The following DCTN2 variants were observed in gnomAD, a reference collection of about 807,000 sequenced individuals.
DCTN2 encodes dynactin subunit 2, also known as 50 kDa dynein-associated polypeptide.
DCTN2 carries 18 observed loss-of-function variants against 55.4 expected under a neutral mutation model. The ratio of observed to expected loss-of-function variants is 0.32; its 90% CI spans 0.22 to 0.48. The LOEUF (loss-of-function observed/expected upper bound fraction) is 0.48, where lower values mean the gene tolerates loss of function less well. DCTN2 is among the 20% of genes least tolerant of loss of function. DCTN2 has a pLI of 0.99. For missense variants in DCTN2, 390 were observed against 491.0 expected, an observed-to-expected ratio of 0.79 and a Z score of 1.94; for synonymous variants, 168 against 185.2, an observed-to-expected ratio of 0.91 and a Z score of 0.76.
intron 13 of DCTN2, among the ~76,000 whole-genome samples, chr12:57,531,360 T>TA (rs553194738): frequency 1.7e-4 from 25 of 146,918 alleles, no homozygotes; most frequent in South Asian, 1.3e-3. Flanking sequence ...CCGTCTCTAC[T>TA]AAAAAAAAAA....
intron 2 of DCTN2, 91 bp downstream of exon 2, chr12:57,545,937 T>TG: frequency 1.4e-6 from 2 of 1,388,720 alleles, no homozygotes; most frequent in East Asian, 4.6e-5. Flanking sequence ...GCATACCCGC[T>TG]TATTGCTGTA....
rs1879552310 is a variant in DCTN2 at position 57,530,429 on chromosome 12, A to T, written c.*260T>A. Reference sequence around the variant, plus strand: ...CACACCAGGCAAAGCAGTATTGGACATGAGTTGGCATGTGGCTGGGCCCAC... The same window carrying T: ...CACACCAGGCAAAGCAGTATTGGACTTGAGTTGGCATGTGGCTGGGCCCAC... On this transcript the variant is annotated 3_prime_UTR_variant, in exon 14 of 14. Transcript: ENST00000548249. The T allele has an allele frequency of 2.4e-6, 1 of 417,108 alleles. No individual in the cohort carries two copies. Among genetic ancestry groups the T allele is most frequent in the South Asian group, 4.3e-5 (1 of 23,180 alleles). The allele number at this position is 417,108 out of a possible 1,614,324, so 25.8% of individuals were successfully genotyped here. A position where few individuals can be genotyped will look rare whatever the true frequency, so the allele number is the denominator to read the frequency against.
chr12:57,533,326 A>G, intron 7 of DCTN2, 23 bp from the exon 8 acceptor site: 1 of 1,611,958 alleles, frequency 6.2e-7, no homozygotes, highest in Non-Finnish European at 8.5e-7. Flanking sequence ...AGGAGGTGAG[A>G]TTTGCCATCT....
chr12:57,543,908 G>A (rs944432133), intron 2 of DCTN2: 1 of 1,042,120 alleles, frequency 9.6e-7, no homozygotes, highest in African/African-American at 1.6e-5. Context: ...TCAGGCTCTG[G>A]GGGAGAAACA....
intron 2 of DCTN2, among the ~76,000 whole-genome samples, 185 bp downstream of exon 2, chr12:57,545,843 C>T (rs1881102101): frequency 6.6e-6 from 1 of 152,112 alleles, no homozygotes; most frequent in Admixed American, 6.5e-5. Context: ...TTGACTCTCC[C>T]TCCTGCCATT....
chr12:57,538,498 A>G (rs1354182876), intron 2 of DCTN2: 1 of 761,600 alleles, frequency 1.3e-6, no homozygotes, highest in Admixed American at 1.7e-5. Flanking sequence ...TAAAAAGCAG[A>G]TGAAAGGTCA....
rs1251369660 is a variant in DCTN2, at chr12:57,535,116, T to C, written c.303A>G (p.Gln101=). 1.9e-6 allele frequency: 3 copies of C among 1,613,748 alleles called. No homozygotes were observed. Among genetic ancestry groups the C allele is most frequent in the Non-Finnish European group, 2.5e-6 (3 of 1,179,878 alleles). The change falls in exon 5 of 14, where the codon CAA becomes CAG. Residue 101 remains glutamine (Q), a synonymous_variant. Coordinates refer to ENST00000548249, the MANE Select transcript of DCTN2 (RefSeq NM_001261413.2). ...CCTCATGCAGTAGGCGCTGGTACTT[T>C]TGCTGGGGTGTCTCCTTCACTCCCA... ...EGLGVKETPQ[Q]KYQRLLHEVQ... is the part of the protein sequence containing the mutation.
At chr12:57,532,854 G>C in intron 9 of DCTN2, 44 bp from the exon 10 acceptor site, 2 of 1,610,820 alleles carry the variant, frequency 1.2e-6, no homozygotes, top group Non-Finnish European at 1.7e-6. Flanking sequence ...AGGAAAGGCA[G>C]ACTAGCAAGA....
chr12:57,533,418 T>C (rs1879923290), intron 7 of DCTN2, 115 bp from the exon 8 acceptor site: 7 of 918,816 alleles, frequency 7.6e-6, no homozygotes, highest in Admixed American at 1.7e-5. Context: ...TTCCTTTCCC[T>C]GGAATACATA....
At chr12:57,532,866 G>T (rs1280804597) in intron 9 of DCTN2, 56 bp from the exon 10 acceptor site, 10 of 1,606,150 alleles carry the variant, frequency 6.2e-6, no homozygotes, top group African/African-American at 1.3e-5. Context: ...CTAGCAAGAG[G>T]CCTCCCATAT....
intron 2 of DCTN2, 99 bp from the exon 3 acceptor site, chr12:57,535,944 A>T: frequency 1.1e-6 from 1 of 935,108 alleles, no homozygotes; most frequent in Non-Finnish European, 1.7e-6. Context: ...ACTGGGCCCT[A>T]CTTGTCCAAG....
intron 2 of DCTN2, 70 bp downstream of exon 2, chr12:57,545,958 G>T: frequency 3.3e-6 from 5 of 1,527,946 alleles, no homozygotes; most frequent in Non-Finnish European, 4.5e-6. Context: ...GCTCCCCCGA[G>T]AAAGGGAAGG....
intron 2 of DCTN2, among the ~76,000 whole-genome samples, chr12:57,545,391 C>CA (rs909905924): frequency 2.4e-4 from 36 of 151,734 alleles, no homozygotes; most frequent in African/African-American, 5.3e-4. Flanking sequence ...CTGCATTGCA[C>CA]AAAAAAAACC....
At chr12:57,537,177 A>G (rs950338167) in intron 2 of DCTN2, among the ~76,000 whole-genome samples, 2 of 150,546 alleles carry the variant, frequency 1.3e-5, no homozygotes, top group African/African-American at 4.9e-5. Context: ...CTCTACAAAA[A>G]ATATAAAATA....
rs1221268991 is a variant in DCTN2 at position 57,533,006 on chromosome 12, C to T, written c.752G>A (p.Gly251Asp). ...CACCATGAGACAGGCTCCCTGTAGA[C>T]CTGCAGAAAGGGGATTCTGGTGGGA... is the stretch of plus-strand genomic sequence containing the variant. The part of the protein sequence containing the change: ...DQDAQNPLSA[G>D]LQGACLMETV... Residue 251 changes from glycine to aspartate, a missense_variant, in exon 9 of 14, where the codon GGT becomes GAT. Around this residue, in one of 2 missense-constraint regions of DCTN2, gnomAD observed 273 missense variants for 303.2 expected, o/e 0.90. Coordinates refer to ENST00000548249, the MANE Select transcript of DCTN2 (RefSeq NM_001261413.2). 1 of 1,603,524 alleles carries T rather than the reference C, an allele frequency of 6.2e-7. No homozygotes were observed. The highest frequency in any genetic ancestry group is 8.5e-7 in the Non-Finnish European group (1 of 1,175,144).
chr12:57,532,516 T>C, intron 11 of DCTN2, 56 bp downstream of exon 11: 1 of 1,576,976 alleles, frequency 6.3e-7, no homozygotes, highest in Non-Finnish European at 8.7e-7. Flanking sequence ...GCTTTGACAC[T>C]GCCACTCGGA....
chr12:57,537,883 G>C (rs1351805625), intron 2 of DCTN2, among the ~76,000 whole-genome samples: 1 of 152,142 alleles, frequency 6.6e-6, no homozygotes. Context: ...AAGGGCTCAG[G>C]CTAAGGATAG....
chr12:57,533,068 T>C, intron 8 of DCTN2, 46 bp from the exon 9 acceptor site: 1 of 1,570,438 alleles, frequency 6.4e-7, no homozygotes, highest in Non-Finnish European at 8.6e-7. Flanking sequence ...TATATCTCCA[T>C]GATTATCGTC....
At chr12:57,530,840 A>G in intron 13 of DCTN2, 65 bp from the exon 14 acceptor site, 1 of 1,341,224 alleles carries the variant, frequency 7.5e-7, no homozygotes, top group Non-Finnish European at 1.1e-6. Context: ...TGAGGACCTG[A>G]AGGAATTCTC....
Sources: gnomAD v4.1 joint callset for allele counts (sites outside exome capture counted in the v4.1 genomes callset) on GRCh38, gnomAD v4.1.1 for gene constraint, gnomAD v4.1.1 regional missense constraint, MANE v1.5 for transcripts, NCBI Gene and HGNC (gene_info 2026-07-23, HGNC 2026-07-21) for gene names.